Variants in TPRG1 observed in about 807,000 individuals in gnomAD.
TPRG1 encodes the protein tumor protein p63 regulated 1.
TPRG1 carries 29 observed loss-of-function variants against 29.3 expected under a neutral mutation model. The observed-to-expected ratio is 0.99, with a 90% CI of 0.74 to 1.35. The LOEUF (loss-of-function observed/expected upper bound fraction) is 1.35, where lower values mean the gene tolerates loss of function less well. Among genes scored for constraint, TPRG1 ranks in the 40% most tolerant of loss-of-function variants. The pLI is 0.00. For missense variants in TPRG1, 327 were observed against 335.0 expected, an observed-to-expected ratio of 0.98 and a Z score of 0.19; for synonymous variants, 130 against 116.8, an observed-to-expected ratio of 1.11 and a Z score of -0.73.
Position 189,143,160 on chromosome 3 carries a change from C to CTT in TPRG1, c.-290-4417_-290-4416dup, listed in dbSNP as rs5855240. Among the ~76,000 whole-genome samples, 541 of 151,936 alleles carry CTT rather than the reference C, an allele frequency of 3.6e-3. 5 individuals are homozygous for CTT. Among genetic ancestry groups the CTT allele is most frequent in the Admixed American group, 0.023 (348 of 15,264 alleles). On this transcript the variant is annotated intron_variant, in intron 3 of 6. Transcript: ENST00000412373. ...ATAATATTGCAATTTTTAGGATCAT[C>CTT]TTTTTTTTATATAGGATTTTACATT...
intron 3 of TPRG1, among the ~76,000 whole-genome samples, chr3:189,014,644 T>A (rs192738879): frequency 6.6e-6 from 1 of 152,260 alleles, no homozygotes; most frequent in East Asian, 1.9e-4. Context: ...GCTGTTCTCA[T>A]GATTGTGAGG....
At chr3:189,146,483 A>G (rs1337453601) in intron 3 of TPRG1, among the ~76,000 whole-genome samples, 1 of 152,218 alleles carries the variant, frequency 6.6e-6, no homozygotes, top group Non-Finnish European at 1.5e-5. Flanking sequence ...TGTTGGGAGT[A>G]GACTTTTCCA....
At position 189,238,868 on chromosome 3, in the gene TPRG1, C is replaced by A. The variant is rs1740006148; in HGVS notation, c.438C>A (p.Ile146=). The A allele has an allele frequency of 6.2e-7, 1 of 1,613,352 alleles. No homozygotes were observed. The highest frequency in any genetic ancestry group is 1.1e-5 in the South Asian group (1 of 91,020). The change falls in exon 4 of 6, where the codon ATC becomes ATA. Residue 146 remains isoleucine, a synonymous_variant. Transcript: ENST00000345063. ...TTCCTCTGAGCGCTGTCTATCGCATCTGCCTGGGCAAGTTCACCTTCCCTG... is the reference window on the plus strand; with the variant it reads ...TTCCTCTGAGCGCTGTCTATCGCATATGCCTGGGCAAGTTCACCTTCCCTG... ...QRIPLSAVYR[I]CLGKFTFPGM...
intron 2 of TPRG1, 59 bp from the exon 3 acceptor site, chr3:189,215,233 C>G (rs1014077622): frequency 7.0e-7 from 1 of 1,419,022 alleles, no homozygotes; most frequent in African/African-American, 1.5e-5. Flanking sequence ...ACTAACTAAT[C>G]ATAAGCGCGA....
At chr3:189,118,245 A>T (rs1017752492) in intron 1 of TPRG1, among the ~76,000 whole-genome samples, 2 of 152,184 alleles carry the variant, frequency 1.3e-5, no homozygotes, top group Non-Finnish European at 2.9e-5. Flanking sequence ...GACTGGCCGC[A>T]TTCTACCCCT....
intron 4 of TPRG1, among the ~76,000 whole-genome samples, chr3:189,269,311 T>C (rs1714683720): frequency 6.6e-6 from 1 of 152,204 alleles, no homozygotes; most frequent in Admixed American, 6.5e-5. Flanking sequence ...TCTGTCTCCA[T>C]GATTTTCTAA....
intron 1 of TPRG1, among the ~76,000 whole-genome samples, chr3:189,190,627 A>T (rs1731551173): frequency 6.6e-6 from 1 of 152,234 alleles, no homozygotes; most frequent in Non-Finnish European, 1.5e-5. Flanking sequence ...AAGATGCAGG[A>T]TCAAGATACT....
chr3:189,165,939 A>G (rs1728113231), intron 5 of TPRG1, among the ~76,000 whole-genome samples: 1 of 152,142 alleles, frequency 6.6e-6, no homozygotes, highest in South Asian at 2.1e-4. Flanking sequence ...CAAAAGGAAG[A>G]TTCCCTCCCT....
chr3:189,288,229 A>C (rs1313425941), intron 4 of TPRG1, among the ~76,000 whole-genome samples: 1 of 152,174 alleles, frequency 6.6e-6, no homozygotes, highest in Non-Finnish European at 1.5e-5. Context: ...TTAAAAAATG[A>C]ATAACATTGT....
At chr3:189,092,020 T>C (rs566871314) in intron 4 of TPRG1, among the ~76,000 whole-genome samples, 57 of 152,202 alleles carry the variant, frequency 3.7e-4, no homozygotes, top group Non-Finnish European at 6.9e-4. Flanking sequence ...AATATTGTCC[T>C]CCTTTATTTT....
rs9833403 is a variant in TPRG1, at chr3:189,075,938, G to A, written c.-462-51119G>A. Among the ~76,000 whole-genome samples, 376 of 152,166 alleles carry A rather than the reference G, an allele frequency of 2.5e-3. 3 individuals are homozygous for A. The highest frequency in any genetic ancestry group is 8.8e-3 in the African/African-American group (366 of 41,508). On this transcript the variant is annotated intron_variant, in intron 4 of 10. Coordinates refer to the TPRG1 transcript ENST00000433971. ...ACTTCTGGTTTCTCTCTCCAAAGGC[G>A]CTCAGGTTCTTTGTTTCAACTCCCC...
At chr3:189,153,341 C>T (rs999137991) in intron 5 of TPRG1, among the ~76,000 whole-genome samples, 7 of 152,134 alleles carry the variant, frequency 4.6e-5, no homozygotes, top group Non-Finnish European at 7.3e-5. Context: ...ATTGAGTTTA[C>T]ACTCTTAAAA....
At chr3:189,125,813 TTGTGTGTGTGTGTG>T (rs751689409) in intron 1 of TPRG1, among the ~76,000 whole-genome samples, 6,764 of 124,110 alleles carry the variant, frequency 0.054, 220 homozygotes, top group Middle Eastern at 0.12. Flanking sequence ...GCAGGGTGTT[TTGTGTGTGTGTGTG>T]TGTGTGTGTG....
intron 1 of TPRG1, among the ~76,000 whole-genome samples, chr3:189,126,558 A>G (rs1722519134): frequency 6.6e-6 from 1 of 152,198 alleles, no homozygotes; most frequent in African/African-American, 2.4e-5. Flanking sequence ...GCATTTTTAT[A>G]TGGGAAATGG....
At chr3:189,159,840 A>ATGTGTGTGTGTGTG (rs57781182) in intron 5 of TPRG1, among the ~76,000 whole-genome samples, 4 of 138,486 alleles carry the variant, frequency 2.9e-5, no homozygotes, top group South Asian at 2.3e-4. Flanking sequence ...GTGTTTGTGT[A>ATGTGTGTGTGTGTG]TGTGTGTGTG....
chr3:189,036,323 G>A (rs1364971581), intron 4 of TPRG1, among the ~76,000 whole-genome samples: 1 of 152,008 alleles, frequency 6.6e-6, no homozygotes, highest in African/African-American at 2.4e-5. Flanking sequence ...GTACTGTTGG[G>A]TACTATGCTC....
At chr3:189,078,068 C>CTTTCTCTCTTTCTCT (rs57725294) in intron 4 of TPRG1, among the ~76,000 whole-genome samples, 2 of 124,148 alleles carry the variant, frequency 1.6e-5, no homozygotes, top group Admixed American at 8.5e-5. Flanking sequence ...TCCTTTCTCT[C>CTTTCTCTCTTTCTCT]CTTTCTCTCT....
chr3:189,090,247 A>C (rs559147613), intron 4 of TPRG1, among the ~76,000 whole-genome samples: 18 of 152,160 alleles, frequency 1.2e-4, no homozygotes, highest in Non-Finnish European at 2.4e-4. Context: ...CACAATTATT[A>C]TTTAAAATGT....
chr3:189,141,423 T>A (rs1724544364), intron 3 of TPRG1, among the ~76,000 whole-genome samples: 1 of 152,162 alleles, frequency 6.6e-6, no homozygotes, highest in African/African-American at 2.4e-5. Context: ...AGACACTGTG[T>A]TAGGCACCAG....
Sources: gnomAD v4.1 joint callset for allele counts (sites outside exome capture counted in the v4.1 genomes callset) on GRCh38, gnomAD v4.1.1 for gene constraint, MANE v1.5 for transcripts, NCBI Gene and HGNC (gene_info 2026-07-23, HGNC 2026-07-21) for gene names.